Variants in CEACAM16 observed in about 807,000 individuals in gnomAD.
CEACAM16 encodes cell adhesion molecule CEACAM16.
A neutral mutation model predicts 39.4 loss-of-function variants in CEACAM16; 30 were observed. The observed-to-expected ratio is 0.76, with a 90% CI of 0.57 to 1.03. The LOEUF is 1.03. CEACAM16 is among the 50% of genes least tolerant of loss of function. The probability of loss-of-function intolerance (pLI) is 0.00; values close to 1 mark genes in which losing one functional copy is unlikely to be tolerated. For missense variants in CEACAM16, 521 were observed against 585.3 expected (o/e 0.89, Z 1.13); for synonymous variants, 262 against 264.9 (o/e 0.99, Z 0.11).
At chr19:44,707,811 C>T (rs1231381613) in intron 5 of CEACAM16, 50 bp from the exon 6 acceptor site, 1 of 1,436,254 alleles carries the variant, frequency 7.0e-7, no homozygotes, top group Non-Finnish European at 9.3e-7. Context: ...GAAGGGGACA[C>T]CATGCCAGAT....
At chr19:44,705,455 G>A in intron 4 of CEACAM16, 135 bp from the exon 5 acceptor site, 1 of 816,132 alleles carries the variant, frequency 1.2e-6, no homozygotes, top group Non-Finnish European at 1.9e-6. Context: ...TTAGAGTTAA[G>A]GCCAGAGCTT....
intron 4 of CEACAM16, among the ~76,000 whole-genome samples, 183 bp from the exon 5 acceptor site, chr19:44,705,407 C>A (rs781551574): frequency 5.3e-5 from 8 of 152,114 alleles, no homozygotes; most frequent in Admixed American, 3.3e-4. Context: ...AAGGTGAGAT[C>A]CTCTTAGAGG....
chr19:44,708,369 C>A (rs541570508), intron 6 of CEACAM16, among the ~76,000 whole-genome samples, 182 bp downstream of exon 6: 44 of 152,262 alleles, frequency 2.9e-4, no homozygotes, highest in Middle Eastern at 3.4e-3. Context: ...TAGGGTTCTG[C>A]CTCTTCTATC....
chr19:44,707,458 G>A lies in CEACAM16; in HGVS notation c.941-403G>A, dbSNP rs541149953. Reference sequence around the variant, plus strand: ...TGGCTTACACATTCTGGGGTCTCTCGGTCTGACAGACACAAGTCCCAACCA... The same window carrying A: ...TGGCTTACACATTCTGGGGTCTCTCAGTCTGACAGACACAAGTCCCAACCA... On this transcript the variant is annotated intron_variant, in intron 5 of 6. Transcript: ENST00000587331. Among the ~76,000 whole-genome samples the A allele has an allele frequency of 1.1e-4, 16 of 152,054 alleles. No homozygotes were observed. The Middle Eastern group carries it at 0.014, about 129-fold the overall frequency.
chr19:44,701,562 G>A lies in CEACAM16; in HGVS notation c.37+69G>A. 1.4e-6 allele frequency: 2 copies of A among 1,421,262 alleles called. No homozygotes were observed. Among genetic ancestry groups the A allele is most frequent in the Admixed American group, 3.9e-5 (2 of 50,852 alleles). 88.0% of individuals were successfully genotyped at this position (1,421,262 alleles called of 1,614,324 possible). A position where few individuals can be genotyped will look rare whatever the true frequency, so the allele number is the denominator to read the frequency against. On this transcript the variant is annotated intron_variant, in intron 2 of 6. Coordinates refer to ENST00000587331, the MANE Select transcript of CEACAM16 (RefSeq NM_001039213.4). The surrounding 1 kb of genome is among the most constrained non-coding windows in gnomAD (Gnocchi z 4.0). ...CCCCAGGGAGGGGAGGGGACCCCCA[G>A]TCTGAGAGAGGGAAGGTGTGAGCAG...
intron 6 of CEACAM16, among the ~76,000 whole-genome samples, chr19:44,709,410 C>T (rs867906144): frequency 1.3e-3 from 103 of 80,032 alleles, no homozygotes; most frequent in Middle Eastern, 0.013. Context: ...TCCATCAGAC[C>T]GGGAGCTCCC....
intron 1 of CEACAM16, among the ~76,000 whole-genome samples, chr19:44,699,924 C>G (rs10419906): frequency 0.15 from 23,547 of 152,086 alleles, 2,585 homozygotes; most frequent in Admixed American, 0.28. Flanking sequence ...CTCCTGGATT[C>G]AAGCGATTCT....
intron 6 of CEACAM16, 128 bp downstream of exon 6, chr19:44,708,315 A>T: frequency 2.0e-6 from 2 of 990,396 alleles, no homozygotes; most frequent in Non-Finnish European, 2.9e-6. Flanking sequence ...ATCAGGCTGA[A>T]GGAAGCAGCC....
chr19:44,703,407 C>A lies in CEACAM16; in HGVS notation c.96C>A (p.Ser32Arg). 6.2e-7 allele frequency: 1 copy of A among 1,613,778 alleles called. No individual in the cohort carries two copies. The highest frequency in any genetic ancestry group is 8.5e-7 in the Non-Finnish European group (1 of 1,179,884). ...TCACCCTGGAGCCTGCCCAGCCGAG[C>A]GAAGGGGACAACGTCACGCTGGTCG... ...ISITLEPAQPSEGDNVTLVVH... is the reference protein window; with the variant it reads ...ISITLEPAQPREGDNVTLVVH... Residue 32 changes from serine to arginine, a missense_variant, in exon 3 of 7, where the codon AGC (serine) becomes AGA (arginine). Transcript: ENST00000587331.
In CEACAM16 at chr19:44,704,106, C is replaced by T. The variant is rs1974399288; in HGVS notation, c.471C>T (p.Ser157=). 1.2e-6 allele frequency: 2 copies of T among 1,602,824 alleles called. No homozygotes were observed. Among genetic ancestry groups the T allele is most frequent in the Non-Finnish European group, 1.7e-6 (2 of 1,175,828 alleles). Residue 157 remains serine, a synonymous_variant, in exon 4 of 7, where the codon AGC becomes AGT. Coordinates refer to ENST00000587331, the MANE Select transcript of CEACAM16 (RefSeq NM_001039213.4). ...TGCGCCTTATGTGCAGCAGCCCCAGCCCCACCGCCGAGGTCCGCTGGTTCT... is the reference window on the plus strand; with the variant it reads ...TGCGCCTTATGTGCAGCAGCCCCAGTCCCACCGCCGAGGTCCGCTGGTTCT... ...DTLRLMCSSP[S]PTAEVRWFFN...
At chr19:44,709,429 G>A (rs113165183) in intron 6 of CEACAM16, among the ~76,000 whole-genome samples, 4 of 133,188 alleles carry the variant, frequency 3.0e-5, no homozygotes, top group African/African-American at 6.1e-5. Flanking sequence ...CCAGAGTCAG[G>A]GACCATGTCT....
intron 2 of CEACAM16, 88 bp from the exon 3 acceptor site, chr19:44,703,261 C>T (rs1974378253): frequency 1.6e-6 from 2 of 1,223,096 alleles, no homozygotes; most frequent in East Asian, 2.5e-5. Flanking sequence ...GGGCTGGGGA[C>T]ATGCCCCGAG....
At chr19:44,706,018 A>G in intron 5 of CEACAM16, 150 bp downstream of exon 5, 1 of 911,724 alleles carries the variant, frequency 1.1e-6, no homozygotes, top group African/African-American at 1.7e-5. Context: ...TATCAGGCAG[A>G]TCTGTTTGCA....
chr19:44,704,108 C>G lies in CEACAM16; in HGVS notation c.473C>G (p.Pro158Arg). The change falls in exon 4 of 7, where the codon CCC becomes CGC. Residue 158 changes from proline (P) to arginine (R), a missense_variant. By Grantham distance (103) the Pro-to-Arg change is moderately radical. Coordinates refer to ENST00000587331, the MANE Select transcript of CEACAM16 (RefSeq NM_001039213.4). ...TLRLMCSSPS[P>R]TAEVRWFFNG... ...CGCCTTATGTGCAGCAGCCCCAGCC[C>G]CACCGCCGAGGTCCGCTGGTTCTTC... 2 of 1,602,460 alleles carry G rather than the reference C, an allele frequency of 1.2e-6. No homozygotes were observed. Among genetic ancestry groups the G allele is most frequent in the Non-Finnish European group, 1.7e-6 (2 of 1,175,694 alleles).
chr19:44,710,426 G>A, intron 6 of CEACAM16, 70 bp from the exon 7 acceptor site: 1 of 1,559,260 alleles, frequency 6.4e-7, no homozygotes, highest in Non-Finnish European at 8.8e-7. Flanking sequence ...GAAGGGGTGG[G>A]GGCACTGGGG....
intron 2 of CEACAM16, among the ~76,000 whole-genome samples, chr19:44,702,744 G>A (rs902397741): frequency 6.6e-6 from 1 of 152,272 alleles, no homozygotes; most frequent in East Asian, 1.9e-4. Flanking sequence ...CATCCTACGT[G>A]GGGCCATACA....
At chr19:44,704,360 G>A in intron 4 of CEACAM16, 64 bp downstream of exon 4, 8 of 1,433,418 alleles carry the variant, frequency 5.6e-6, no homozygotes, top group Non-Finnish European at 7.3e-6. Flanking sequence ...GGAAACTGAG[G>A]CCAGGAGAGG....
Position 44,704,067 on chromosome 19 carries a change from A to G in CEACAM16, c.432A>G (p.Glu144=). Residue 144 remains glutamate, a synonymous_variant, in exon 4 of 7, where the codon GAA becomes GAG. Coordinates refer to ENST00000587331, the MANE Select transcript of CEACAM16 (RefSeq NM_001039213.4). ...TGGCCAACAGCACAGCGCTGGTGGA[A>G]CGTCGAGACACCCTGCGCCTTATGT... ...TVLANSTALV[E]RRDTLRLMCS... The G allele has an allele frequency of 6.2e-7, 1 of 1,610,336 alleles. No individual in the cohort carries two copies. The highest frequency in any genetic ancestry group is 8.5e-7 in the Non-Finnish European group (1 of 1,179,114).
At chr19:44,708,334 TC>T in intron 6 of CEACAM16, 147 bp downstream of exon 6, 1 of 841,062 alleles carries the variant, frequency 1.2e-6, no homozygotes, top group Non-Finnish European at 1.8e-6. Context: ...CCTTGTCTCC[TC>T]CGCCTAACTT....
Sources: allele counts gnomAD v4.1 joint callset (sites outside exome capture counted in the v4.1 genomes callset), GRCh38; gene constraint gnomAD v4.1.1; non-coding constraint Gnocchi (gnomAD v3.1); transcripts MANE v1.5; gene names NCBI Gene and HGNC (gene_info 2026-07-23, HGNC 2026-07-21).